ABHD12: variants seen among roughly 807,000 people sequenced by gnomAD.
ABHD12 encodes lysophosphatidylserine lipase ABHD12.
In ABHD12, 43 loss-of-function variants were observed where a neutral mutation model predicts 58.3. The ratio of observed to expected loss-of-function variants is 0.74; its 90% CI spans 0.58 to 0.95. ABHD12 has a LOEUF of 0.95. Among genes scored for constraint, ABHD12 ranks in the 40% least tolerant of loss-of-function variants. The probability of loss-of-function intolerance (pLI) is 0.00; values close to 1 mark genes in which losing one functional copy is unlikely to be tolerated. For synonymous variants in ABHD12, 219 were observed against 211.2 expected (o/e 1.04, Z -0.32); for missense variants, 539 against 537.2 (o/e 1.00, Z -0.03).
intron 4 of ABHD12, among the ~76,000 whole-genome samples, chr20:25,318,531 G>A (rs1159240792): frequency 6.6e-6 from 1 of 152,192 alleles, no homozygotes; most frequent in Non-Finnish European, 1.5e-5. Context: ...CCAGTGGGAT[G>A]CACAGGACAA....
chr20:25,369,194 C>T (rs2482940), intron 1 of ABHD12, among the ~76,000 whole-genome samples: 93,862 of 151,944 alleles, frequency 0.62, 30,565 homozygotes, highest in African/African-American at 0.79. Context: ...TCCATTTCCC[C>T]AATGGATTAG....
chr20:25,383,978 A>C (rs1437675481), intron 1 of ABHD12, among the ~76,000 whole-genome samples: 1 of 143,314 alleles, frequency 7.0e-6, no homozygotes, highest in African/African-American at 2.8e-5. Flanking sequence ...AAAAAAAGAA[A>C]AAAAAGAAAA....
At chr20:25,311,624 GC>G (rs1314564649) in intron 6 of ABHD12, among the ~76,000 whole-genome samples, 1 of 152,170 alleles carries the variant, frequency 6.6e-6, no homozygotes, top group Non-Finnish European at 1.5e-5. Flanking sequence ...CACGCCACCT[GC>G]CCCCACAAGA....
At chr20:25,328,660 T>G (rs1042246807) in intron 2 of ABHD12, among the ~76,000 whole-genome samples, 4 of 152,202 alleles carry the variant, frequency 2.6e-5, no homozygotes, top group African/African-American at 9.7e-5. Flanking sequence ...CCAGAAAACT[T>G]CCAAGCCCAA....
chr20:25,368,286 C>G, intron 1 of ABHD12: 1 of 1,533,556 alleles, frequency 6.5e-7, no homozygotes, highest in Non-Finnish European at 8.9e-7. Context: ...TAGAGTTGTT[C>G]ACAGTCAGCA....
chr20:25,309,058 A>G (rs1008898566), intron 7 of ABHD12, among the ~76,000 whole-genome samples: 1 of 152,130 alleles, frequency 6.6e-6, no homozygotes, highest in Non-Finnish European at 1.5e-5. Context: ...AGAGACGTGG[A>G]CCTCGCATCA....
chr20:25,312,205 T>G (rs764416893), intron 6 of ABHD12, among the ~76,000 whole-genome samples: 1 of 151,432 alleles, frequency 6.6e-6, no homozygotes, highest in South Asian at 2.1e-4. Flanking sequence ...TCCCTCTCTT[T>G]CCACGGTCTC....
chr20:25,383,020 G>A (rs969890659), intron 1 of ABHD12, among the ~76,000 whole-genome samples: 4 of 152,184 alleles, frequency 2.6e-5, no homozygotes, highest in African/African-American at 7.2e-5. Context: ...TACTGAGGGT[G>A]GAGCAAAAGG....
chr20:25,347,309 C>T (rs968880957), intron 1 of ABHD12, among the ~76,000 whole-genome samples: 3 of 152,148 alleles, frequency 2.0e-5, no homozygotes, highest in African/African-American at 7.2e-5. Context: ...CAGCAGGGTA[C>T]TCCCCAGCAC....
At chr20:25,298,579 T>A (rs1039580515), downstream of ABHD12, among the ~76,000 whole-genome samples, 1 of 152,194 alleles carries the variant, frequency 6.6e-6, no homozygotes, top group Non-Finnish European at 1.5e-5. Flanking sequence ...CTAAAAATTC[T>A]ATCAATCAAT....
chr20:25,388,273 A>G (rs956621937), intron 1 of ABHD12, among the ~76,000 whole-genome samples: 3 of 152,170 alleles, frequency 2.0e-5, no homozygotes, highest in Non-Finnish European at 4.4e-5. Flanking sequence ...TCTGTGGCGC[A>G]ATGGATATCT....
intron 1 of ABHD12, among the ~76,000 whole-genome samples, chr20:25,346,951 T>C (rs2089527686): frequency 6.6e-6 from 1 of 152,094 alleles, no homozygotes; most frequent in Non-Finnish European, 1.5e-5. Context: ...GCCAAGTTTA[T>C]TAATTTTTTA....
At chr20:25,365,034 T>C (rs2089800660) in intron 1 of ABHD12, among the ~76,000 whole-genome samples, 1 of 152,190 alleles carries the variant, frequency 6.6e-6, no homozygotes, top group Non-Finnish European at 1.5e-5. Context: ...GCCAGGTAAG[T>C]AGTTCTCACC....
Position 25,320,129 on chromosome 20 carries a change from G to A in ABHD12, c.542+70C>T, listed in dbSNP as rs1351208221. On this transcript the variant is annotated intron_variant, in intron 4 of 12. Coordinates refer to ENST00000339157, the MANE Select transcript of ABHD12 (RefSeq NM_001042472.3). ...TGCTCCTGCTGGTTTCCGGCAGACC[G>A]GGCCAGGACATTCCCACCCCAAAAA... The A allele has an allele frequency of 2.2e-5, 36 of 1,601,790 alleles. No individual in the cohort carries two copies. In the Admixed American group the frequency reaches 3.2e-4, roughly 14 times the overall value.
chr20:25,347,230 T>C (rs1353103391), intron 1 of ABHD12, among the ~76,000 whole-genome samples: 1 of 152,210 alleles, frequency 6.6e-6, no homozygotes, highest in Non-Finnish European at 1.5e-5. Flanking sequence ...CTGTAAATAA[T>C]TAAGTTTTGC....
chr20:25,349,364 T>C (rs2089567870), intron 1 of ABHD12, among the ~76,000 whole-genome samples: 1 of 152,206 alleles, frequency 6.6e-6, no homozygotes, highest in African/African-American at 2.4e-5. Flanking sequence ...AATTACTATA[T>C]AATCTAGCAA....
chr20:25,355,586 G>T (rs949151615), intron 1 of ABHD12, among the ~76,000 whole-genome samples: 1 of 151,996 alleles, frequency 6.6e-6, no homozygotes, highest in African/African-American at 2.4e-5. Context: ...TTTTGAGACA[G>T]TCTTGCTCTG....
chr20:25,305,745 A>T (rs1425511098), intron 10 of ABHD12, among the ~76,000 whole-genome samples: 3 of 152,206 alleles, frequency 2.0e-5, no homozygotes, highest in Non-Finnish European at 1.5e-5. Flanking sequence ...AAAAAGGTTT[A>T]AAAAAAGAAC....
At chr20:25,385,279 A>G (rs546682182) in intron 1 of ABHD12, among the ~76,000 whole-genome samples, 1 of 149,856 alleles carries the variant, frequency 6.7e-6, no homozygotes, top group Admixed American at 6.7e-5. Flanking sequence ...GGAGGTTGCA[A>G]TGAGCCAAGA....
Sources: gnomAD v4.1 joint callset for allele counts (sites outside exome capture counted in the v4.1 genomes callset) on GRCh38, gnomAD v4.1.1 for gene constraint, MANE v1.5 for transcripts, NCBI Gene and HGNC (gene_info 2026-07-23, HGNC 2026-07-21) for gene names.